Variants in CUX1 observed in about 807,000 individuals in gnomAD.
The protein encoded by CUX1 is cut like homeobox 1, also known as protein CASP.
Under a neutral mutation model 158.8 loss-of-function variants are expected in CUX1, and 31 were observed. The observed-to-expected ratio is 0.20, with a 90% CI of 0.15 to 0.26. The LOEUF (loss-of-function observed/expected upper bound fraction) is 0.26, where lower values mean the gene tolerates loss of function less well. CUX1 is among the 10% of genes least tolerant of loss of function. The probability of loss-of-function intolerance (pLI) is 1.00; values close to 1 mark genes in which losing one functional copy is unlikely to be tolerated. For missense variants in CUX1, 1,589 were observed against 2,014.6 expected (o/e 0.79, Z 4.04); for synonymous variants, 879 against 862.1 (o/e 1.02, Z -0.34).
chr7:102,263,136 C>G (rs1337226592), downstream of CUX1, among the ~76,000 whole-genome samples: 6 of 150,800 alleles, frequency 4.0e-5, no homozygotes, highest in Non-Finnish European at 4.4e-5. Context: ...GCCTCAGCCT[C>G]CCAAGTAGCT....
intron 23 of CUX1, 30 bp downstream of exon 23, chr7:102,239,614 G>C (rs782128417): frequency 1.9e-6 from 3 of 1,597,980 alleles, no homozygotes; most frequent in Non-Finnish European, 2.6e-6. Flanking sequence ...GGGAGCGCCG[G>C]TCGGCCCAGG....
chr7:101,816,168 C>A, upstream of CUX1: 1 of 772,334 alleles, frequency 1.3e-6, no homozygotes, highest in Non-Finnish European at 1.6e-6. Flanking sequence ...CCGGGGGCCC[C>A]GGGCTGGCCC....
At chr7:102,275,662 A>G (rs1250046907) in intron 17 of CUX1, among the ~76,000 whole-genome samples, 3 of 152,120 alleles carry the variant, frequency 2.0e-5, no homozygotes, top group South Asian at 2.1e-4. Context: ...GTGGCCTTCA[A>G]TCTGCAGGGA....
chr7:101,923,285 G>T (rs753032577), intron 2 of CUX1, among the ~76,000 whole-genome samples: 1 of 152,228 alleles, frequency 6.6e-6, no homozygotes, highest in African/African-American at 2.4e-5. Flanking sequence ...ATAAATGGTC[G>T]TCTGTGTTAG....
At chr7:101,923,457 C>T (rs1446533801) in intron 2 of CUX1, among the ~76,000 whole-genome samples, 1 of 152,172 alleles carries the variant, frequency 6.6e-6, no homozygotes, top group Non-Finnish European at 1.5e-5. Flanking sequence ...ATCCTGGTGA[C>T]GTCAGTCGGC....
intron 13 of CUX1, among the ~76,000 whole-genome samples, chr7:102,195,263 A>G (rs1794671775): frequency 6.6e-6 from 1 of 151,946 alleles, no homozygotes; most frequent in Non-Finnish European, 1.5e-5. Context: ...TTTTTTTAGG[A>G]GCTGTGGAAG....
chr7:102,070,654 C>T (rs1449946573), intron 4 of CUX1, among the ~76,000 whole-genome samples: 4 of 152,142 alleles, frequency 2.6e-5, no homozygotes, highest in African/African-American at 9.7e-5. Context: ...GGGATGACTT[C>T]GTAAAAGCAG....
intron 5 of CUX1, among the ~76,000 whole-genome samples, chr7:102,104,132 C>T (rs559502039): frequency 6.6e-6 from 1 of 152,104 alleles, no homozygotes; most frequent in African/African-American, 2.4e-5. Context: ...ATTGATCCTC[C>T]TCAGCCTAAA....
At position 101,843,762 on chromosome 7, in the gene CUX1, G is replaced by T. The variant is rs141269914; in HGVS notation, c.30+26093G>T. Among the ~76,000 whole-genome samples, 11 of 152,180 alleles carry T rather than the reference G, an allele frequency of 7.2e-5. No homozygotes were observed. In the East Asian group the frequency reaches 2.1e-3, roughly 29 times the overall value. On this transcript the variant is annotated intron_variant, in intron 1 of 23. Transcript: ENST00000292535. ...AGATCGTTTAGATTCTAGGATAATGGTGCCATATAGGACTGTGGCCCTCGG... is the reference window on the plus strand; with the variant it reads ...AGATCGTTTAGATTCTAGGATAATGTTGCCATATAGGACTGTGGCCCTCGG...
chr7:101,834,110 C>T (rs1311819883), intron 1 of CUX1, among the ~76,000 whole-genome samples: 1 of 150,204 alleles, frequency 6.7e-6, no homozygotes, highest in African/African-American at 2.4e-5. Flanking sequence ...GCCTTTAGTG[C>T]CTAGTGTTCT....
chr7:102,038,327 A>G (rs945171436), intron 3 of CUX1, among the ~76,000 whole-genome samples: 12 of 152,200 alleles, frequency 7.9e-5, no homozygotes, highest in African/African-American at 2.9e-4. Context: ...CACACCTGTA[A>G]TTAACAATGT....
chr7:101,995,286 C>T (rs549662821), intron 2 of CUX1, among the ~76,000 whole-genome samples: 2 of 152,284 alleles, frequency 1.3e-5, no homozygotes, highest in East Asian at 1.9e-4. Context: ...ATCCCTGCCA[C>T]GTGGACTCCA....
At chr7:102,198,933 G>GT in intron 16 of CUX1, 66 bp downstream of exon 16, 1 of 1,436,456 alleles carries the variant, frequency 7.0e-7, no homozygotes, top group South Asian at 1.1e-5. Context: ...CCTTAGCTGT[G>GT]TATTTGGGTT....
intron 7 of CUX1, 50 bp from the exon 8 acceptor site, chr7:102,115,157 G>A: frequency 6.7e-7 from 1 of 1,482,878 alleles, no homozygotes; most frequent in Non-Finnish European, 9.4e-7. Flanking sequence ...ACCTGTGTAT[G>A]CATTCTTTTA....
At chr7:102,171,998 A>G (rs1586034310) in intron 10 of CUX1, among the ~76,000 whole-genome samples, 3 of 152,350 alleles carry the variant, frequency 2.0e-5, no homozygotes, top group African/African-American at 7.2e-5. Context: ...CTGGTTGCAG[A>G]GAGTACAGTC....
At chr7:102,144,959 A>AGCTACTGTAGTCC in intron 8 of CUX1, among the ~76,000 whole-genome samples, 1 of 150,800 alleles carries the variant, frequency 6.6e-6, no homozygotes, top group African/African-American at 2.4e-5. Flanking sequence ...GTGGTGGCAC[A>AGCTACTGTAGTCC]CACCTGTAGT....
At chr7:102,104,887 A>G (rs1830171349) in intron 6 of CUX1, among the ~76,000 whole-genome samples, 1 of 152,126 alleles carries the variant, frequency 6.6e-6, no homozygotes, top group Admixed American at 6.5e-5. Flanking sequence ...GTGAGACTCC[A>G]TCTCCAAAAA....
At chr7:102,048,109 C>T (rs1823031745) in intron 3 of CUX1, among the ~76,000 whole-genome samples, 1 of 152,182 alleles carries the variant, frequency 6.6e-6, no homozygotes. Flanking sequence ...CGACACCACC[C>T]TGTGCTGGGG....
downstream of CUX1, among the ~76,000 whole-genome samples, chr7:102,260,787 G>A (rs1554543702): frequency 6.6e-6 from 1 of 152,134 alleles, no homozygotes; most frequent in African/African-American, 2.4e-5. Flanking sequence ...GCGACGTGAT[G>A]ATGAGATATA....
Sources: allele counts gnomAD v4.1 joint callset (sites outside exome capture counted in the v4.1 genomes callset), GRCh38; gene constraint gnomAD v4.1.1; transcripts MANE v1.5; gene names NCBI Gene and HGNC (gene_info 2026-07-23, HGNC 2026-07-21).